The following TTLL11 variants were observed in gnomAD, a reference collection of about 807,000 sequenced individuals.
The protein encoded by TTLL11 is tubulin tyrosine ligase like 11, also known as tubulin polyglutamylase TTLL11.
TTLL11 carries 42 observed loss-of-function variants against 51.7 expected under a neutral mutation model. The ratio of observed to expected loss-of-function variants is 0.81; its 90% CI spans 0.64 to 1.05. The LOEUF is 1.05. Among genes scored for constraint, TTLL11 ranks in the 50% least tolerant of loss-of-function variants. The pLI is 0.00. For missense variants in TTLL11, 799 were observed against 940.4 expected (o/e 0.85, Z 1.97); for synonymous variants, 381 against 383.5 (o/e 0.99, Z 0.08).
intron 1 of TTLL11, among the ~76,000 whole-genome samples, chr9:122,069,286 T>C (rs1845670164): frequency 6.6e-6 from 1 of 152,172 alleles, no homozygotes; most frequent in African/African-American, 2.4e-5. Flanking sequence ...ACTTAAGCCC[T>C]ACCTCCTCAG....
chr9:121,912,486 CCT>C (rs141062383), intron 6 of TTLL11, among the ~76,000 whole-genome samples: 2,058 of 152,124 alleles, frequency 0.014, 22 homozygotes, highest in Non-Finnish European at 0.019. Flanking sequence ...TCGGAATGCC[CCT>C]CTCTGCCCCA....
intron 6 of TTLL11, among the ~76,000 whole-genome samples, chr9:121,969,839 C>G (rs1004667853): frequency 1.3e-5 from 2 of 152,176 alleles, no homozygotes; most frequent in African/African-American, 4.8e-5. Flanking sequence ...CAACACTGTG[C>G]AGCATAAATC....
At chr9:121,833,660 G>A (rs1000751654) in intron 8 of TTLL11, among the ~76,000 whole-genome samples, 1 of 152,072 alleles carries the variant, frequency 6.6e-6, no homozygotes, top group African/African-American at 2.4e-5. Context: ...CTAGGTGGGC[G>A]AGGCAGCATT....
At chr9:121,847,075 T>C (rs888677808) in intron 8 of TTLL11, among the ~76,000 whole-genome samples, 4 of 152,066 alleles carry the variant, frequency 2.6e-5, no homozygotes, top group Admixed American at 6.5e-5. Flanking sequence ...CCAGGCGTGG[T>C]GGCTGGCGCC....
At chr9:121,845,881 T>C (rs1837501480) in intron 8 of TTLL11, among the ~76,000 whole-genome samples, 1 of 152,176 alleles carries the variant, frequency 6.6e-6, no homozygotes, top group Non-Finnish European at 1.5e-5. Context: ...AGTCAGTGAA[T>C]AGCAAGCTGT....
chr9:122,021,094 C>A (rs868019648), intron 3 of TTLL11, among the ~76,000 whole-genome samples: 7 of 139,586 alleles, frequency 5.0e-5, no homozygotes, highest in Non-Finnish European at 6.1e-5. Context: ...GCTCGAGCAA[C>A]CAAAAAGTAG....
intron 6 of TTLL11, among the ~76,000 whole-genome samples, chr9:121,966,154 C>T (rs1842391514): frequency 6.6e-6 from 1 of 152,124 alleles, no homozygotes; most frequent in South Asian, 2.1e-4. Context: ...TTACAGCAAA[C>T]CTGGTTGTTA....
intron 8 of TTLL11, among the ~76,000 whole-genome samples, chr9:121,854,983 C>G (rs371070415): frequency 6.6e-6 from 1 of 152,154 alleles, no homozygotes; most frequent in Non-Finnish European, 1.5e-5. Context: ...CTACATGTTA[C>G]TAAATTCCAT....
chr9:121,991,053 T>C (rs982361672), intron 3 of TTLL11, among the ~76,000 whole-genome samples: 1 of 152,196 alleles, frequency 6.6e-6, no homozygotes, highest in Non-Finnish European at 1.5e-5. Flanking sequence ...CCATGCTCTC[T>C]GCAGCTTCTG....
Position 121,822,112 on chromosome 9 carries a change from ATT to A in TTLL11, c.*473_*474del, listed in dbSNP as rs1836594788. ...GGAGATTCGCAGATGCCTACTTGAT[ATT>A]TCCACTTCCTTCTCTCGGAACGGGC... On this transcript the variant is annotated 3_prime_UTR_variant, in exon 9 of 9. Transcript: ENST00000321582. The surrounding 1 kb of genome is among the most constrained non-coding windows in gnomAD (Gnocchi z 5.8). 1 of 152,360 alleles carries A rather than the reference ATT, an allele frequency of 6.6e-6. No individual in the cohort carries two copies. The highest frequency in any genetic ancestry group is 1.9e-4 in the East Asian group (1 of 5,172). 9.4% of individuals were successfully genotyped at this position (152,360 alleles called of 1,614,324 possible).
intron 3 of TTLL11, among the ~76,000 whole-genome samples, chr9:122,023,786 A>G (rs998822499): frequency 6.6e-6 from 1 of 152,044 alleles, no homozygotes; most frequent in Admixed American, 6.5e-5. Flanking sequence ...CCATGGAAAC[A>G]AGAAATAAAA....
At chr9:121,892,047 T>A (rs1401635020) in intron 6 of TTLL11, among the ~76,000 whole-genome samples, 2 of 144,800 alleles carry the variant, frequency 1.4e-5, no homozygotes, top group African/African-American at 2.5e-5. Flanking sequence ...AAATATATAT[T>A]AAAAAATATA....
chr9:122,020,047 C>G (rs980602766), intron 3 of TTLL11, among the ~76,000 whole-genome samples: 2 of 152,190 alleles, frequency 1.3e-5, no homozygotes, highest in Admixed American at 1.3e-4. Flanking sequence ...TCATAAATTA[C>G]CCAGTCCCAG....
chr9:121,924,794 C>T (rs1224479756), intron 6 of TTLL11, among the ~76,000 whole-genome samples: 5 of 148,866 alleles, frequency 3.4e-5, no homozygotes, highest in South Asian at 2.1e-4. Context: ...GAGCAAAAAT[C>T]GTCAAGCCCA....
intron 6 of TTLL11, among the ~76,000 whole-genome samples, chr9:121,948,336 G>A (rs560885991): frequency 6.6e-6 from 1 of 152,166 alleles, no homozygotes; most frequent in African/African-American, 2.4e-5. Flanking sequence ...CTAGTCTTCG[G>A]GTATTCAGTA....
chr9:121,872,408 C>T (rs1838388938), intron 6 of TTLL11, among the ~76,000 whole-genome samples: 1 of 152,212 alleles, frequency 6.6e-6, no homozygotes, highest in African/African-American at 2.4e-5. Flanking sequence ...TGAAGGCCTA[C>T]ATCTGTTTCA....
chr9:121,872,297 T>C (rs765119471), intron 6 of TTLL11, among the ~76,000 whole-genome samples: 22 of 152,236 alleles, frequency 1.4e-4, no homozygotes, highest in Non-Finnish European at 2.6e-4. Flanking sequence ...CTCTCTCTCA[T>C]GCCTCATCCC....
chr9:122,073,813 A>G (rs926849788), intron 1 of TTLL11, among the ~76,000 whole-genome samples: 1 of 152,080 alleles, frequency 6.6e-6, no homozygotes, highest in African/African-American at 2.4e-5. Context: ...GCCTTTCTCT[A>G]CCTCCAGGCT....
At chr9:121,825,300 A>T (rs1158679534) in intron 8 of TTLL11, among the ~76,000 whole-genome samples, 1 of 152,180 alleles carries the variant, frequency 6.6e-6, no homozygotes, top group East Asian at 1.9e-4. Flanking sequence ...CGAGGAACCC[A>T]GTCCCAGTCC....
Sources: allele counts gnomAD v4.1 joint callset (sites outside exome capture counted in the v4.1 genomes callset), GRCh38; gene constraint gnomAD v4.1.1; non-coding constraint Gnocchi (gnomAD v3.1); transcripts MANE v1.5; gene names NCBI Gene and HGNC (gene_info 2026-07-23, HGNC 2026-07-21).